SYN3: variants seen among roughly 807,000 people sequenced by gnomAD.
SYN3 encodes the protein synapsin-3.
SYN3 carries 35 observed loss-of-function variants against 65.8 expected under a neutral mutation model. The ratio of observed to expected loss-of-function variants is 0.53; its 90% CI spans 0.41 to 0.70. The LOEUF (loss-of-function observed/expected upper bound fraction) is 0.70, where lower values mean the gene tolerates loss of function less well. Among genes scored for constraint, SYN3 ranks in the 30% least tolerant of loss-of-function variants. SYN3 has a pLI of 0.00. For missense variants in SYN3, 680 were observed against 749.0 expected, an observed-to-expected ratio of 0.91 and a Z score of 1.08; for synonymous variants, 270 against 292.9, an observed-to-expected ratio of 0.92 and a Z score of 0.80.
intron 6 of SYN3, among the ~76,000 whole-genome samples, chr22:32,670,271 T>C (rs1410140375): frequency 2.0e-5 from 3 of 152,210 alleles, no homozygotes; most frequent in Non-Finnish European, 4.4e-5. Flanking sequence ...CTCACATGCA[T>C]TGATTTTTAT....
At chr22:32,926,829 A>T (rs2050486651) in intron 4 of SYN3, among the ~76,000 whole-genome samples, 1 of 152,212 alleles carries the variant, frequency 6.6e-6, no homozygotes, top group Non-Finnish European at 1.5e-5. Flanking sequence ...AGTTCTCACA[A>T]ATGACCATGA....
chr22:32,902,218 T>C (rs550853970), intron 4 of SYN3, among the ~76,000 whole-genome samples: 6 of 152,312 alleles, frequency 3.9e-5, no homozygotes, highest in African/African-American at 1.4e-4. Flanking sequence ...AGCAAGACAA[T>C]ATGAAACAAC....
At chr22:32,951,434 T>G (rs751816091) in intron 3 of SYN3, among the ~76,000 whole-genome samples, 1 of 152,180 alleles carries the variant, frequency 6.6e-6, no homozygotes, top group Non-Finnish European at 1.5e-5. Context: ...CTACGTGACA[T>G]AAAGATTTAC....
intron 6 of SYN3, among the ~76,000 whole-genome samples, chr22:32,809,887 G>A (rs2046867400): frequency 2.0e-5 from 3 of 152,154 alleles, no homozygotes; most frequent in South Asian, 4.2e-4. Context: ...TTTCATGCCA[G>A]CTTAGCATCT....
intron 6 of SYN3, among the ~76,000 whole-genome samples, chr22:32,708,907 G>T (rs1318113370): frequency 3.3e-5 from 5 of 152,352 alleles, no homozygotes; most frequent in Admixed American, 3.3e-4. Context: ...GACTTTTGCC[G>T]CAGGCTGCAC....
chr22:32,971,435 T>C (rs1287467115), intron 3 of SYN3, among the ~76,000 whole-genome samples: 3 of 152,168 alleles, frequency 2.0e-5, no homozygotes, highest in Non-Finnish European at 4.4e-5. Flanking sequence ...CAGGATTGTG[T>C]TAACAAAACA....
At chr22:33,054,340 G>T (rs1442711442) in intron 1 of SYN3, among the ~76,000 whole-genome samples, 2 of 152,050 alleles carry the variant, frequency 1.3e-5, no homozygotes, top group Non-Finnish European at 2.9e-5. Context: ...CCTGCTCCTC[G>T]CCTAGTCTCT....
At chr22:32,822,925 ACAAC>A (rs200925920) in intron 6 of SYN3, among the ~76,000 whole-genome samples, 25,190 of 63,250 alleles carry the variant, frequency 0.4, 2,513 homozygotes, top group East Asian at 0.49. Context: ...AACAACAACA[ACAAC>A]AAAAAAAAAA....
chr22:33,030,919 A>G (rs1378101078), intron 1 of SYN3, among the ~76,000 whole-genome samples: 1 of 152,202 alleles, frequency 6.6e-6, no homozygotes, highest in Non-Finnish European at 1.5e-5. Context: ...AGAGACAGAC[A>G]AAGATATATA....
intron 6 of SYN3, among the ~76,000 whole-genome samples, chr22:32,627,919 C>A (rs2059692344): frequency 6.6e-6 from 1 of 152,160 alleles, no homozygotes; most frequent in African/African-American, 2.4e-5. Flanking sequence ...AGCTCCGCCT[C>A]CCGGGTTCAA....
intron 6 of SYN3, among the ~76,000 whole-genome samples, chr22:32,786,015 GAAGAAA>G (rs927756439): frequency 6.2e-5 from 9 of 145,724 alleles, no homozygotes; most frequent in Admixed American, 4.2e-4. Context: ...AGAAGAAGAA[GAAGAAA>G]AAAAAAATAC....
chr22:32,991,905 C>T (rs992805042), intron 2 of SYN3, among the ~76,000 whole-genome samples: 3 of 152,224 alleles, frequency 2.0e-5, no homozygotes, highest in African/African-American at 7.2e-5. Context: ...CAGGCCTCCA[C>T]AGGCCCCAAG....
chr22:32,913,984 T>C (rs557121460), intron 4 of SYN3, among the ~76,000 whole-genome samples: 1 of 152,362 alleles, frequency 6.6e-6, no homozygotes, highest in South Asian at 2.1e-4. Flanking sequence ...GGGTGCTGAC[T>C]ATATGGCATT....
At chr22:32,665,980 C>G (rs976777822) in intron 6 of SYN3, among the ~76,000 whole-genome samples, 20 of 152,158 alleles carry the variant, frequency 1.3e-4, no homozygotes, top group Middle Eastern at 6.3e-3. Flanking sequence ...GCCCTTGAAT[C>G]TCTCCCCCAG....
intron 1 of SYN3, among the ~76,000 whole-genome samples, chr22:33,032,665 C>T (rs1475670577): frequency 6.6e-6 from 1 of 151,832 alleles, no homozygotes; most frequent in African/African-American, 2.4e-5. Flanking sequence ...TTTAATTCAT[C>T]CCATATAAGG....
chr22:32,802,167 G>A, intron 6 of SYN3: 1 of 1,557,148 alleles, frequency 6.4e-7, no homozygotes, highest in Non-Finnish European at 8.6e-7. Context: ...CTGCAGCCAG[G>A]ACTGCAGCGC....
intron 4 of SYN3, among the ~76,000 whole-genome samples, chr22:32,872,935 ACT>A (rs1491417962): frequency 1.8e-5 from 2 of 110,618 alleles, no homozygotes; most frequent in African/African-American, 3.5e-5. Context: ...TGCCCTAAGC[ACT>A]TTTTTTTTTT....
At chr22:32,565,223 C>T (rs947393652) in intron 7 of SYN3, among the ~76,000 whole-genome samples, 1 of 152,094 alleles carries the variant, frequency 6.6e-6, no homozygotes, top group Admixed American at 6.5e-5. Flanking sequence ...GCTCCTGGAC[C>T]ACAACTGCTT....
intron 6 of SYN3, among the ~76,000 whole-genome samples, chr22:32,804,195 A>G (rs1425474786): frequency 6.6e-6 from 1 of 152,180 alleles, no homozygotes; most frequent in African/African-American, 2.4e-5. Context: ...ACGGATCCCA[A>G]ATTGTTCTGC....
Sources: allele counts gnomAD v4.1 joint callset (sites outside exome capture counted in the v4.1 genomes callset), GRCh38; gene constraint gnomAD v4.1.1; transcripts MANE v1.5; gene names NCBI Gene and HGNC (gene_info 2026-07-23, HGNC 2026-07-21).